USP35: variants seen among roughly 807,000 people sequenced by gnomAD.
The protein encoded by USP35 is ubiquitin carboxyl-terminal hydrolase 35.
A neutral mutation model predicts 83.8 loss-of-function variants in USP35; 69 were observed. That is an observed-to-expected ratio of 0.82 (90% CI 0.68 to 1.01). The LOEUF (loss-of-function observed/expected upper bound fraction) is 1.01. Among genes scored for constraint, USP35 ranks in the 50% least tolerant of loss-of-function variants. USP35 has a pLI of 0.00. For missense variants in USP35, 1,503 were observed against 1,362.5 expected, an observed-to-expected ratio of 1.10 and a Z score of -1.62; for synonymous variants, 714 against 589.5, an observed-to-expected ratio of 1.21 and a Z score of -3.06.
chr11:78,230,628 T>C, the USP35 span, among the ~76,000 whole-genome samples: 1 of 152,256 alleles, frequency 6.6e-6, no homozygotes, highest in African/African-American at 2.4e-5. Flanking sequence ...TCCTGTACCC[T>C]GGCATAGTGC....
In USP35 at chr11:78,207,716, C is replaced by T. The variant is rs1319772401; in HGVS notation, c.1485+93C>T. ...TCCCTTCCCCAGGACCTGCCTGCAT[C>T]TGGCTGTCATCTCCCATGTCAGTTG... is the stretch of plus-strand genomic sequence containing the variant. On this transcript the variant is annotated intron_variant, in intron 8 of 10. Transcript: ENST00000529308. The T allele has an allele frequency of 2.3e-6, 3 of 1,286,870 alleles. No individual in the cohort carries two copies. The South Asian group carries it at 3.7e-5, about 16-fold the overall frequency. The allele number at this position is 1,286,870 out of a possible 1,614,324, so 79.7% of individuals were successfully genotyped here. A position where few individuals can be genotyped will look rare whatever the true frequency, so the allele number is the denominator to read the frequency against.
chr11:78,211,858 G>C (rs939403835), intron 10 of USP35, among the ~76,000 whole-genome samples: 9 of 152,188 alleles, frequency 5.9e-5, no homozygotes, highest in African/African-American at 2.2e-4. Context: ...GGTCAGATGG[G>C]TAGTTTGCAA....
chr11:78,190,580 C>T (rs544523921), intron 1 of USP35, among the ~76,000 whole-genome samples: 361 of 152,280 alleles, frequency 2.4e-3, no homozygotes, highest in African/African-American at 8.2e-3. Context: ...GGCTCAGAGA[C>T]GGGGATTGGA....
downstream of USP35, chr11:78,215,864 G>A (rs1864111341): frequency 6.5e-6 from 1 of 152,718 alleles, no homozygotes; most frequent in Non-Finnish European, 1.5e-5. Flanking sequence ...TCTGGAAATG[G>A]GATAGGGGTG....
chr11:78,219,490 G>T, downstream of USP35: 2 of 1,373,190 alleles, frequency 1.5e-6, no homozygotes, highest in Non-Finnish European at 1.0e-6. Context: ...GTGGGCACGG[G>T]ATCTTCCTGA....
chr11:78,209,013 G>T (rs757496908), intron 9 of USP35, 50 bp downstream of exon 9: 7 of 1,577,376 alleles, frequency 4.4e-6, no homozygotes, highest in Non-Finnish European at 6.1e-6. Flanking sequence ...GGGTCCTTGG[G>T]GGCAAGCCCA....
chr11:78,191,310 G>C (rs1862997566), intron 1 of USP35, among the ~76,000 whole-genome samples: 1 of 152,238 alleles, frequency 6.6e-6, no homozygotes, highest in Non-Finnish European at 1.5e-5. Context: ...TTTGGCAGAG[G>C]GATTGGGATT....
the USP35 span, among the ~76,000 whole-genome samples, chr11:78,221,053 G>A: frequency 1.3e-5 from 2 of 152,118 alleles, no homozygotes; most frequent in Non-Finnish European, 1.5e-5. Flanking sequence ...CAGATGACAC[G>A]CTCTAGGATC....
the USP35 span, among the ~76,000 whole-genome samples, chr11:78,225,378 T>C: frequency 5.3e-5 from 8 of 152,318 alleles, no homozygotes; most frequent in East Asian, 1.2e-3. Flanking sequence ...AAATTCCTCC[T>C]GGGCTTCTAG....
chr11:78,220,496 AC>A, the USP35 span: 1 of 1,503,824 alleles, frequency 6.6e-7, no homozygotes, highest in Non-Finnish European at 8.9e-7. Context: ...AGACTAACCC[AC>A]CACCCAGAAA....
chr11:78,192,173 C>G (rs764913434), intron 1 of USP35, among the ~76,000 whole-genome samples: 1 of 152,238 alleles, frequency 6.6e-6, no homozygotes, highest in South Asian at 2.1e-4. Context: ...GTCACCATGA[C>G]TTTGAAGCAG....
At chr11:78,226,381 T>C in the USP35 span, 1 of 1,114,212 alleles carries the variant, frequency 9.0e-7, no homozygotes, top group Admixed American at 1.7e-5. Context: ...CCCTCGGCCA[T>C]GGATGACCAA....
At chr11:78,191,125 C>T (rs1394276161) in intron 1 of USP35, among the ~76,000 whole-genome samples, 2 of 152,080 alleles carry the variant, frequency 1.3e-5, no homozygotes, top group South Asian at 2.1e-4. Flanking sequence ...GGGCCCAGGG[C>T]GTGGCAGTGG....
chr11:78,198,563 C>T (rs761673894), intron 3 of USP35: 30 of 967,126 alleles, frequency 3.1e-5, no homozygotes, highest in Non-Finnish European at 2.8e-5. Context: ...CAGAATATGC[C>T]GCTCCCCTCC....
At chr11:78,199,517 C>A in intron 3 of USP35, 78 bp from the exon 4 acceptor site, 2 of 1,590,618 alleles carry the variant, frequency 1.3e-6, no homozygotes, top group Middle Eastern at 1.8e-4. Flanking sequence ...CAGGACATTA[C>A]GGATAGCCCC....
chr11:78,203,133 G>C (rs1863408658), intron 6 of USP35, among the ~76,000 whole-genome samples: 1 of 152,118 alleles, frequency 6.6e-6, no homozygotes, highest in Admixed American at 6.5e-5. Context: ...ACCAGTAGGG[G>C]CAGGGAGTTA....
Position 78,210,697 on chromosome 11 carries a change from A to C in USP35, c.2842A>C (p.Lys948Gln). The change falls in exon 10 of 11, where the codon AAG (lysine) becomes CAG (glutamine). Residue 948 changes from lysine to glutamine, a missense_variant. Coordinates refer to ENST00000529308, the MANE Select transcript of USP35 (RefSeq NM_020798.4). ...SRVRTEPTLH[K>Q]DLMEAISKDN... ...AGTCCGGACAGAGCCCACCCTGCAC[A>C]AGGACTTGATGGAAGCCATTTCCAA... The C allele has an allele frequency of 6.3e-7, 1 of 1,593,534 alleles. No homozygotes were observed. Among genetic ancestry groups the C allele is most frequent in the East Asian group, 2.2e-5 (1 of 44,578 alleles).
the USP35 span, chr11:78,226,619 G>GC: frequency 1.1e-6 from 1 of 952,230 alleles, no homozygotes; most frequent in Non-Finnish European, 1.6e-6. Context: ...GGCGGGGTGG[G>GC]GGAGCTATGG....
At chr11:78,217,424 G>A (rs555295060), downstream of USP35, 2 of 152,428 alleles carry the variant, frequency 1.3e-5, no homozygotes, top group South Asian at 4.1e-4. Flanking sequence ...TCCAGGATGG[G>A]ACTTAGAGAA....
Sources: gnomAD v4.1 joint callset for allele counts (sites outside exome capture counted in the v4.1 genomes callset) on GRCh38, gnomAD v4.1.1 for gene constraint, MANE v1.5 for transcripts, NCBI Gene and HGNC (gene_info 2026-07-23, HGNC 2026-07-21) for gene names.